Variants in SLC2A13 observed in about 807,000 individuals in gnomAD.
SLC2A13 encodes the protein solute carrier family 2 member 13, also known as proton myo-inositol cotransporter.
A neutral mutation model predicts 64.4 loss-of-function variants in SLC2A13; 32 were observed. The observed-to-expected ratio is 0.50, with a 90% CI of 0.37 to 0.67. The LOEUF is 0.67. SLC2A13 is among the 30% of genes least tolerant of loss of function. The pLI is 0.00. For synonymous variants in SLC2A13, 338 were observed against 327.1 expected, an observed-to-expected ratio of 1.03 and a Z score of -0.36; for missense variants, 743 against 829.2, an observed-to-expected ratio of 0.90 and a Z score of 1.28.
In SLC2A13 at chr12:39,958,463, T is replaced by C. The variant is rs531696681; in HGVS notation, c.926-7098A>G. Reference sequence around the variant, plus strand: ...TGAGGATTAGAGATAATAAGGTTCCTGGCACATACTATTCATGTGTTCAAT... The same window carrying C: ...TGAGGATTAGAGATAATAAGGTTCCCGGCACATACTATTCATGTGTTCAAT... On this transcript the variant is annotated intron_variant, in intron 3 of 9. Transcript: ENST00000280871. Among the ~76,000 whole-genome samples the C allele has an allele frequency of 7.2e-5, 11 of 152,324 alleles. No homozygotes were observed. In the South Asian group the frequency reaches 8.3e-4, roughly 11 times the overall value.
chr12:40,089,487 A>G (rs982751134), intron 1 of SLC2A13, among the ~76,000 whole-genome samples: 1 of 152,186 alleles, frequency 6.6e-6, no homozygotes, highest in African/African-American at 2.4e-5. Flanking sequence ...CCATTTCTCA[A>G]TTGTAATCAA....
chr12:40,041,046 C>A (rs1350384979), intron 2 of SLC2A13, among the ~76,000 whole-genome samples: 1 of 152,008 alleles, frequency 6.6e-6, no homozygotes, highest in East Asian at 1.9e-4. Flanking sequence ...CTCTGCCTCC[C>A]GGGTTCAAGC....
intron 1 of SLC2A13, 112 bp from the exon 2 acceptor site, chr12:40,048,322 T>C: frequency 1.9e-6 from 2 of 1,045,120 alleles, no homozygotes; most frequent in South Asian, 2.2e-5. Context: ...GGTTTTCTAC[T>C]TTAAGCAAAG....
At position 39,994,315 on chromosome 12, in the gene SLC2A13, G is replaced by A. The variant is rs1304770143; in HGVS notation, c.925+33986C>T. ...GGAGAATCGCTTGAACCCGGGAGGC[G>A]GAGCTTGCAGTGAGCCGAGATTGTG... On this transcript the variant is annotated intron_variant, in intron 3 of 9. Coordinates refer to ENST00000280871, the MANE Select transcript of SLC2A13 (RefSeq NM_052885.4). Among the ~76,000 whole-genome samples, 7 of 151,162 alleles carry A rather than the reference G, an allele frequency of 4.6e-5. No individual in the cohort carries two copies. The East Asian group carries it at 5.8e-4, about 13-fold the overall frequency.
intron 1 of SLC2A13, among the ~76,000 whole-genome samples, chr12:40,078,229 G>A (rs1220073718): frequency 1.3e-5 from 2 of 152,244 alleles, no homozygotes; most frequent in East Asian, 3.9e-4. Flanking sequence ...TCTTGTTCTG[G>A]TTCTCAAGGA....
rs957047472 is a variant in SLC2A13 at position 39,975,892 on chromosome 12, G to A, written c.926-24527C>T. ...TTCAGTTGTAAATAAGCATCAAACCGGATTCTTAAAGTTGAAGATTCTAAA... is the reference window on the plus strand; with the variant it reads ...TTCAGTTGTAAATAAGCATCAAACCAGATTCTTAAAGTTGAAGATTCTAAA... On this transcript the variant is annotated intron_variant, in intron 3 of 9. Coordinates refer to ENST00000280871, the MANE Select transcript of SLC2A13 (RefSeq NM_052885.4). Among the ~76,000 whole-genome samples the A allele has an allele frequency of 5.3e-5, 8 of 152,148 alleles. No individual in the cohort carries two copies. The South Asian group carries it at 6.2e-4, about 12-fold the overall frequency.
At chr12:39,827,062 GTCC>G (rs1942711062) in intron 7 of SLC2A13, among the ~76,000 whole-genome samples, 1 of 151,282 alleles carries the variant, frequency 6.6e-6, no homozygotes, top group Non-Finnish European at 1.5e-5. Flanking sequence ...CTCTCTGACT[GTCC>G]TCCTGTATTT....
intron 4 of SLC2A13, among the ~76,000 whole-genome samples, chr12:39,911,542 C>A (rs768722852): frequency 9.7e-4 from 148 of 152,000 alleles, no homozygotes; most frequent in Non-Finnish European, 1.2e-3. Context: ...CAGGCTTTAC[C>A]CTTCCTTGGC....
chr12:39,772,838 G>A (rs531503610), intron 7 of SLC2A13, among the ~76,000 whole-genome samples: 7 of 149,108 alleles, frequency 4.7e-5, no homozygotes, highest in Admixed American at 4.1e-4. Flanking sequence ...GGCTATGCAC[G>A]TTTACATGTG....
At chr12:39,978,212 CAA>C (rs1234483587) in intron 3 of SLC2A13, among the ~76,000 whole-genome samples, 1 of 152,168 alleles carries the variant, frequency 6.6e-6, no homozygotes, top group Non-Finnish European at 1.5e-5. Flanking sequence ...GGCAGCATCA[CAA>C]AAATACAGTC....
At chr12:40,039,917 T>C (rs1948057345) in intron 2 of SLC2A13, among the ~76,000 whole-genome samples, 1 of 152,228 alleles carries the variant, frequency 6.6e-6, no homozygotes, top group Non-Finnish European at 1.5e-5. Flanking sequence ...GCCATTAAAG[T>C]ATAATAAAGA....
chr12:40,036,505 C>G (rs1947987346), intron 2 of SLC2A13, among the ~76,000 whole-genome samples: 1 of 152,162 alleles, frequency 6.6e-6, no homozygotes, highest in African/African-American at 2.4e-5. Context: ...AACCACTGAT[C>G]AAATTTCTGA....
intron 6 of SLC2A13, among the ~76,000 whole-genome samples, chr12:39,839,820 A>G (rs558785430): frequency 6.6e-6 from 1 of 152,110 alleles, no homozygotes; most frequent in South Asian, 2.1e-4. Context: ...TACACTTCCA[A>G]TTGCCCAGTT....
At chr12:40,017,847 G>T (rs1027891282) in intron 3 of SLC2A13, among the ~76,000 whole-genome samples, 4 of 152,060 alleles carry the variant, frequency 2.6e-5, no homozygotes, top group African/African-American at 9.7e-5. Context: ...TACTTCTTTA[G>T]AGGTTCCTCT....
intron 4 of SLC2A13, among the ~76,000 whole-genome samples, chr12:39,906,667 G>A (rs1267456237): frequency 1.3e-5 from 2 of 152,056 alleles, no homozygotes; most frequent in African/African-American, 4.8e-5. Flanking sequence ...ATGGGGTGGA[G>A]GCAGAAAATC....
At chr12:40,081,954 T>C (rs910759042) in intron 1 of SLC2A13, among the ~76,000 whole-genome samples, 23 of 152,222 alleles carry the variant, frequency 1.5e-4, no homozygotes, top group Non-Finnish European at 2.9e-4. Flanking sequence ...GGGCCAAGGC[T>C]CAGCTTAGCA....
intron 4 of SLC2A13, among the ~76,000 whole-genome samples, chr12:39,878,147 C>T (rs181316164): frequency 1.3e-5 from 2 of 152,306 alleles, no homozygotes; most frequent in African/African-American, 2.4e-5. Flanking sequence ...ACCAATTATA[C>T]CTCTTTTCTT....
At chr12:40,060,186 T>A (rs543073551) in intron 1 of SLC2A13, among the ~76,000 whole-genome samples, 1 of 152,152 alleles carries the variant, frequency 6.6e-6, no homozygotes, top group African/African-American at 2.4e-5. Context: ...TATAGACAGA[T>A]GTGGAAGGAT....
rs145943814 is a variant in SLC2A13, at chr12:39,936,938, T to C, written c.1034+14319A>G. ...ACTACAGATTAGGTCTTCTTTAACA[T>C]GTAGATGGTCATTGGCCTAATGGGA... On this transcript the variant is annotated intron_variant, in intron 4 of 9. Coordinates refer to ENST00000280871, the MANE Select transcript of SLC2A13 (RefSeq NM_052885.4). Among the ~76,000 whole-genome samples the C allele has an allele frequency of 1.1e-3, 160 of 152,280 alleles. No individual in the cohort carries two copies. In the East Asian group the frequency reaches 0.025, roughly 24 times the overall value.
Sources: gnomAD v4.1 joint callset for allele counts (sites outside exome capture counted in the v4.1 genomes callset) on GRCh38, gnomAD v4.1.1 for gene constraint, MANE v1.5 for transcripts, NCBI Gene and HGNC (gene_info 2026-07-23, HGNC 2026-07-21) for gene names.